MBIP: variants seen among roughly 807,000 people sequenced by gnomAD.
MBIP encodes the protein MAP3K12 binding inhibitory protein 1, also known as MAP3K12-binding inhibitory protein 1.
MBIP carries 32 observed loss-of-function variants against 45.7 expected under a neutral mutation model. The ratio of observed to expected loss-of-function variants is 0.70; its 90% CI spans 0.53 to 0.94. The LOEUF is 0.94. MBIP is among the 40% of genes least tolerant of loss of function. The pLI is 0.00. For synonymous variants in MBIP, 145 were observed against 141.0 expected, an observed-to-expected ratio of 1.03 and a Z score of -0.20; for missense variants, 381 against 405.5, an observed-to-expected ratio of 0.94 and a Z score of 0.52.
At chr14:36,310,555 G>A (rs115044603) in intron 6 of MBIP, among the ~76,000 whole-genome samples, 170 of 152,264 alleles carry the variant, frequency 1.1e-3, no homozygotes, top group African/African-American at 3.9e-3. Context: ...CACTTGCTTT[G>A]TGCCAGGCAC....
Position 36,314,570 on chromosome 14 carries a change from TTG to T in MBIP, c.511_512del (p.Gln171SerfsTer2). 1 of 1,611,804 alleles carries T rather than the reference TTG, an allele frequency of 6.2e-7. No homozygotes were observed. The highest frequency in any genetic ancestry group is 2.2e-5 in the East Asian group (1 of 44,826). Reference protein sequence around the residue: ...RRISAFIERKQAEINENNVRE... With the variant: ...RRISAFIERKXAEINENNVRE... ...TGACGTTGTTTTCATTGATTTCAGC[TTG>T]CTTTCTTTCAATAAATGCAGATATT... is the stretch of plus-strand genomic sequence containing the variant. On this transcript the variant is annotated frameshift_variant, in exon 4 of 9. Coordinates refer to ENST00000416007, the MANE Select transcript of MBIP (RefSeq NM_016586.3). LOFTEE classifies it high-confidence loss of function.
chr14:36,313,470 AAC>A (rs1370523859), intron 4 of MBIP: 1 of 152,100 alleles, frequency 6.6e-6, no homozygotes, highest in Non-Finnish European at 1.5e-5. Flanking sequence ...TAGCAGGGAG[AAC>A]AGAGGAATAA....
chr14:36,300,641 T>C, intron 8 of MBIP, 144 bp downstream of exon 8: 1 of 527,116 alleles, frequency 1.9e-6, no homozygotes, highest in Non-Finnish European at 3.4e-6. Context: ...TTCAACTGTA[T>C]TAGTTTATAC....
At chr14:36,311,457 C>A (rs1880199596) in intron 6 of MBIP, 116 bp downstream of exon 6, 1 of 888,496 alleles carries the variant, frequency 1.1e-6, no homozygotes, top group Non-Finnish European at 1.7e-6. Context: ...GAGTGACTGG[C>A]ACTTACTGTT....
chr14:36,316,260 T>A (rs529244314), intron 2 of MBIP, among the ~76,000 whole-genome samples: 14 of 152,274 alleles, frequency 9.2e-5, no homozygotes, highest in African/African-American at 3.1e-4. Context: ...TGAAACTGTT[T>A]AATTGCAATA....
intron 2 of MBIP, among the ~76,000 whole-genome samples, 190 bp downstream of exon 2, chr14:36,316,497 GTCTTTT>G (rs1880574300): frequency 6.6e-6 from 1 of 152,086 alleles, no homozygotes; most frequent in South Asian, 2.1e-4. Context: ...ACCCACATTG[GTCTTTT>G]GGGCTATATT....
intron 7 of MBIP, among the ~76,000 whole-genome samples, chr14:36,303,185 T>G (rs1345964012): frequency 6.6e-6 from 1 of 152,230 alleles, no homozygotes; most frequent in Admixed American, 6.5e-5. Context: ...ATGGGTTTAT[T>G]GGGACATAAC....
chr14:36,311,567 G>A lies in MBIP; in HGVS notation c.790+6C>T, dbSNP rs17104349. On this transcript the variant is annotated splice_donor_region_variant and intron_variant, in intron 6 of 8. Transcript: ENST00000416007. Reference sequence around the variant, plus strand: ...ATTATGAGGTGCCACTTAGCACTTTGCTTACCTGTCTGTAACCGCAAGTGG... The same window carrying A: ...ATTATGAGGTGCCACTTAGCACTTTACTTACCTGTCTGTAACCGCAAGTGG... 9.5e-3 allele frequency: 15,247 copies of A among 1,606,502 alleles called. 1,214 individuals carry two copies. The African/African-American group carries it at 0.18, about 18-fold the overall frequency.
intron 2 of MBIP, 58 bp from the exon 3 acceptor site, chr14:36,314,973 CTT>C (rs755773197): frequency 2.1e-5 from 20 of 963,364 alleles, no homozygotes; most frequent in African/African-American, 8.3e-5. Flanking sequence ...TAATTACACA[CTT>C]AATATATTTA....
chr14:36,300,976 A>T, intron 7 of MBIP, 153 bp from the exon 8 acceptor site: 1 of 515,280 alleles, frequency 1.9e-6, no homozygotes, highest in South Asian at 3.0e-5. Context: ...TGTAACCAAC[A>T]TCTACCTTAT....
At chr14:36,305,908 C>T (rs1177119242) in intron 7 of MBIP, among the ~76,000 whole-genome samples, 1 of 152,110 alleles carries the variant, frequency 6.6e-6, no homozygotes, top group Non-Finnish European at 1.5e-5. Context: ...TTAATCTTTT[C>T]CATTCTCACT....
intron 7 of MBIP, among the ~76,000 whole-genome samples, chr14:36,301,326 C>G (rs914032726): frequency 2.6e-5 from 4 of 152,214 alleles, no homozygotes; most frequent in Non-Finnish European, 5.9e-5. Context: ...CACTACTTCT[C>G]TGTGTGGCCC....
chr14:36,300,237 A>G (rs1052695528), intron 8 of MBIP, among the ~76,000 whole-genome samples: 6 of 152,198 alleles, frequency 3.9e-5, no homozygotes, highest in Admixed American at 6.5e-5. Flanking sequence ...TTACTTCGGG[A>G]AAAAATAGCT....
intron 7 of MBIP, among the ~76,000 whole-genome samples, chr14:36,302,491 TAAAAAAAAAAAAA>T (rs377221159): frequency 0.07 from 7,015 of 100,576 alleles, 583 homozygotes; most frequent in African/African-American, 0.22. Flanking sequence ...GACACCATCT[TAAAAAAAAAAAAA>T]AAAAAAAAAA....
chr14:36,314,579 T>C lies in MBIP; in HGVS notation c.504A>G (p.Glu168=), dbSNP rs371260304. 6 of 1,611,554 alleles carry C rather than the reference T, an allele frequency of 3.7e-6. No homozygotes were observed. Among genetic ancestry groups the C allele is most frequent in the East Asian group, 2.2e-5 (1 of 44,836 alleles). ...TTTCATTGATTTCAGCTTGCTTTCT[T>C]TCAATAAATGCAGATATTCGTCTGT... ...EIDRRISAFI[E]RKQAEINENN... Residue 168 remains glutamate (E), a synonymous_variant, in exon 4 of 9, where the codon GAA becomes GAG. Coordinates refer to ENST00000416007, the MANE Select transcript of MBIP (RefSeq NM_016586.3).
chr14:36,311,475 T>C, intron 6 of MBIP, 98 bp downstream of exon 6: 8 of 1,110,742 alleles, frequency 7.2e-6, no homozygotes, highest in South Asian at 3.1e-5. Flanking sequence ...GTTCAAGAAA[T>C]GTTAGGAGCT....
chr14:36,311,701 C>T lies in MBIP; in HGVS notation c.662G>A (p.Gly221Glu). The part of the protein sequence containing the change: ...VKVSRVVNTY[G>E]PQTRPEGIPG... ...AATTCCTTCAGGTCTAGTCTGTGGT[C>T]CGTATGTATTCACAACTCTAGAAAC... Residue 221 changes from glycine (G) to glutamate (E), a missense_variant, in exon 6 of 9, where the codon GGA becomes GAA. Physicochemically the swap from Gly to Glu is moderately conservative, Grantham distance 98 (BLOSUM62 -2). Transcript: ENST00000416007. 1 of 1,611,808 alleles carries T rather than the reference C, an allele frequency of 6.2e-7. No individual in the cohort carries two copies. The highest frequency in any genetic ancestry group is 2.2e-5 in the East Asian group (1 of 44,842).
intron 7 of MBIP, 74 bp from the exon 8 acceptor site, chr14:36,300,897 A>AT: frequency 1.1e-6 from 1 of 919,712 alleles, no homozygotes; most frequent in African/African-American, 1.7e-5. Flanking sequence ...AATACTGTAC[A>AT]AATTATGTAC....
At chr14:36,318,676 A>G (rs1880714261) in intron 1 of MBIP, among the ~76,000 whole-genome samples, 1 of 152,028 alleles carries the variant, frequency 6.6e-6, no homozygotes, top group Non-Finnish European at 1.5e-5. Flanking sequence ...TAAAATTAGT[A>G]AATTTTGTGA....
Sources: allele counts gnomAD v4.1 joint callset (sites outside exome capture counted in the v4.1 genomes callset), GRCh38; gene constraint gnomAD v4.1.1; transcripts MANE v1.5; gene names NCBI Gene and HGNC (gene_info 2026-07-23, HGNC 2026-07-21).